The following DECR1 variants were observed in gnomAD, a reference collection of about 807,000 sequenced individuals.
DECR1 encodes 2,4-dienoyl-CoA reductase 1, also known as 2,4-dienoyl-CoA reductase [(3E)-enoyl-CoA-producing], mitochondrial.
Under a neutral mutation model 38.8 loss-of-function variants are expected in DECR1, and 44 were observed. The ratio of observed to expected loss-of-function variants is 1.13; its 90% CI spans 0.89 to 1.46. The LOEUF is 1.46. Among genes scored for constraint, DECR1 ranks in the 40% most tolerant of loss-of-function variants. The pLI is 0.00. For synonymous variants in DECR1, 148 were observed against 135.2 expected (o/e 1.09, Z -0.66); for missense variants, 428 against 405.5 (o/e 1.06, Z -0.48).
intron 8 of DECR1, among the ~76,000 whole-genome samples, chr8:90,050,835 T>C (rs1010219665): frequency 1.3e-5 from 2 of 152,200 alleles, no homozygotes; most frequent in Non-Finnish European, 2.9e-5. Flanking sequence ...CATGGAATAC[T>C]ATGCAGACAT....
intron 1 of DECR1, among the ~76,000 whole-genome samples, chr8:90,006,458 C>T (rs1468129203): frequency 6.6e-6 from 1 of 152,152 alleles, no homozygotes; most frequent in Non-Finnish European, 1.5e-5. Flanking sequence ...TGAGAGACAG[C>T]TTAGTGAGCA....
At chr8:90,005,649 A>G (rs1219669651) in intron 1 of DECR1, 5 of 358,526 alleles carry the variant, frequency 1.4e-5, no homozygotes, top group African/African-American at 8.6e-5. Flanking sequence ...GATCCTGTCA[A>G]AATTTACCAG....
At chr8:90,032,037 A>G (rs1164248764) in intron 5 of DECR1, among the ~76,000 whole-genome samples, 2 of 152,172 alleles carry the variant, frequency 1.3e-5, no homozygotes, top group African/African-American at 4.8e-5. Context: ...TAATTTTATA[A>G]TTCTGTTTTT....
intron 5 of DECR1, among the ~76,000 whole-genome samples, chr8:90,025,949 C>T (rs1044819998): frequency 4.6e-5 from 7 of 152,080 alleles, no homozygotes; most frequent in Non-Finnish European, 1.0e-4. Flanking sequence ...TGAATTTTGT[C>T]GAAGGCCTTT....
At chr8:90,014,410 C>T (rs1315218079) in intron 1 of DECR1, among the ~76,000 whole-genome samples, 1 of 152,152 alleles carries the variant, frequency 6.6e-6, no homozygotes, top group African/African-American at 2.4e-5. Context: ...TATATTAACA[C>T]ATATGCTGTG....
chr8:90,015,460 G>A, intron 1 of DECR1: 1 of 301,598 alleles, frequency 3.3e-6, no homozygotes, highest in Non-Finnish European at 6.7e-6. Context: ...ATTTTTATTT[G>A]TAGTTAAAAA....
At chr8:90,046,789 A>G (rs1043382538) in intron 8 of DECR1, among the ~76,000 whole-genome samples, 2 of 152,210 alleles carry the variant, frequency 1.3e-5, no homozygotes, top group Admixed American at 6.5e-5. Context: ...ACAGAGAGAA[A>G]GGTCAGGTTA....
intron 5 of DECR1, among the ~76,000 whole-genome samples, chr8:90,033,053 C>T (rs1394330750): frequency 2.6e-5 from 4 of 152,252 alleles, no homozygotes; most frequent in Non-Finnish European, 5.9e-5. Flanking sequence ...TCCCCAGTCT[C>T]ATAGCTACAC....
At chr8:90,045,789 G>A (rs1467518166) in intron 8 of DECR1, among the ~76,000 whole-genome samples, 1 of 152,122 alleles carries the variant, frequency 6.6e-6, no homozygotes, top group Non-Finnish European at 1.5e-5. Context: ...TCCCAGTAGG[G>A]GCCAACTGAC....
In DECR1 at chr8:90,017,195, T is replaced by TCA. The variant is rs763227273; in HGVS notation, c.142_143dup (p.Gln48HisfsTer29). The TCA allele has an allele frequency of 5.6e-6, 9 of 1,614,024 alleles. No homozygotes were observed. The African/African-American group carries it at 1.2e-4, about 22-fold the overall frequency. ...TGCAATCTAAATTCTTTTCACCTCT[T>TCA]CAAAAAGCGATGCTACCACCTAATA... On this transcript the variant is annotated frameshift_variant, in exon 2 of 10. Coordinates refer to ENST00000220764, the MANE Select transcript of DECR1 (RefSeq NM_001359.2). LOFTEE classifies it high-confidence loss of function.
chr8:90,039,994 A>G (rs893422818), intron 6 of DECR1, among the ~76,000 whole-genome samples: 1 of 152,242 alleles, frequency 6.6e-6, no homozygotes, highest in Non-Finnish European at 1.5e-5. Context: ...TGGATTCATT[A>G]TCAGATTACA....
chr8:90,002,338 G>A (rs1812637401), intron 1 of DECR1, among the ~76,000 whole-genome samples: 1 of 152,070 alleles, frequency 6.6e-6, no homozygotes, highest in Admixed American at 6.5e-5. Flanking sequence ...GCTGTTTATA[G>A]ACTCCCCTTC....
At chr8:90,040,537 C>T (rs1367611409) in intron 6 of DECR1, among the ~76,000 whole-genome samples, 1 of 152,104 alleles carries the variant, frequency 6.6e-6, no homozygotes, top group Non-Finnish European at 1.5e-5. Flanking sequence ...AGGTTTGTTA[C>T]ATAGGTATAC....
intron 8 of DECR1, among the ~76,000 whole-genome samples, chr8:90,050,569 G>T (rs1216350839): frequency 6.6e-6 from 1 of 152,228 alleles, no homozygotes; most frequent in African/African-American, 2.4e-5. Context: ...CTTTTACGCT[G>T]TTGGTGGGAC....
rs189624507 is a variant in DECR1 at position 90,049,968 on chromosome 8, A to G, written c.886-1709A>G. Among the ~76,000 whole-genome samples the G allele has an allele frequency of 2.6e-5, 4 of 152,354 alleles. No individual in the cohort carries two copies. In the East Asian group the frequency reaches 7.7e-4, roughly 29 times the overall value. ...ATAAATGGTGCTGGGAAAACTGGCT[A>G]GCCATATGTAGAAAGCTGAAACTGG... On this transcript the variant is annotated intron_variant, in intron 8 of 9. Coordinates refer to ENST00000220764, the MANE Select transcript of DECR1 (RefSeq NM_001359.2).
chr8:90,039,460 T>A (rs1205548175), intron 6 of DECR1, among the ~76,000 whole-genome samples: 1 of 152,156 alleles, frequency 6.6e-6, no homozygotes, highest in East Asian at 1.9e-4. Flanking sequence ...TCACTCACTA[T>A]CATGAGAACA....
At chr8:90,001,735 A>G (rs887632682) in intron 1 of DECR1, among the ~76,000 whole-genome samples, 174 bp downstream of exon 1, 1 of 149,576 alleles carries the variant, frequency 6.7e-6, no homozygotes, top group Non-Finnish European at 1.5e-5. Context: ...CGAGGCGCAG[A>G]GAGAGAGAGG....
rs376370571 is a variant in DECR1, at chr8:90,052,092, T to TA, written c.*208dup. The TA allele has an allele frequency of 0.091, 36,628 of 401,984 alleles. 1,724 individuals carry two copies. Among genetic ancestry groups the TA allele is most frequent in the African/African-American group, 0.29 (13,067 of 45,086 alleles). The allele number at this position is 401,984 out of a possible 1,614,324, so 24.9% of individuals were successfully genotyped here. On this transcript the variant is annotated 3_prime_UTR_variant, in exon 10 of 10. Coordinates refer to ENST00000220764, the MANE Select transcript of DECR1 (RefSeq NM_001359.2). Reference sequence around the variant, plus strand: ...AATGAAATATAGTCCTTCAAAACATTAAAAAAAAAAAAAGGAGGCATGGGG... The same window carrying TA: ...AATGAAATATAGTCCTTCAAAACATTAAAAAAAAAAAAAAGGAGGCATGGGG...
intron 5 of DECR1, among the ~76,000 whole-genome samples, chr8:90,033,735 T>C (rs538139675): frequency 2.6e-5 from 4 of 152,310 alleles, no homozygotes; most frequent in Non-Finnish European, 5.9e-5. Context: ...ATAAAAAGAA[T>C]AGTAAAATAA....
Sources: gnomAD v4.1 joint callset for allele counts (sites outside exome capture counted in the v4.1 genomes callset) on GRCh38, gnomAD v4.1.1 for gene constraint, MANE v1.5 for transcripts, NCBI Gene and HGNC (gene_info 2026-07-23, HGNC 2026-07-21) for gene names.